TRAF3IP1: variants seen among roughly 807,000 people sequenced by gnomAD.
The protein encoded by TRAF3IP1 is TRAF3-interacting protein 1.
In TRAF3IP1, 53 loss-of-function variants were observed where a neutral mutation model predicts 89.9. The observed-to-expected ratio is 0.59, with a 90% CI of 0.47 to 0.74. The LOEUF (loss-of-function observed/expected upper bound fraction) is 0.74, where lower values mean the gene tolerates loss of function less well. TRAF3IP1 is among the 30% of genes least tolerant of loss of function. The pLI is 0.00. For missense variants in TRAF3IP1, 806 were observed against 866.1 expected, an observed-to-expected ratio of 0.93 and a Z score of 0.87; for synonymous variants, 311 against 322.1, an observed-to-expected ratio of 0.97 and a Z score of 0.37.
chr2:238,342,531 T>C (rs1171663381), intron 8 of TRAF3IP1, among the ~76,000 whole-genome samples: 1 of 152,220 alleles, frequency 6.6e-6, no homozygotes, highest in Non-Finnish European at 1.5e-5. Context: ...AACTACAGAA[T>C]GAAGATAATG....
intron 1 of TRAF3IP1, among the ~76,000 whole-genome samples, chr2:238,322,687 C>CAAAAA (rs71043130): frequency 1.6e-4 from 7 of 43,578 alleles, no homozygotes; most frequent in Non-Finnish European, 1.5e-4. Flanking sequence ...GACCCTGTCT[C>CAAAAA]AAAAAAAAAA....
intron 8 of TRAF3IP1, among the ~76,000 whole-genome samples, chr2:238,339,324 G>A (rs1241150624): frequency 6.6e-6 from 1 of 152,218 alleles, no homozygotes; most frequent in African/African-American, 2.4e-5. Flanking sequence ...GGAGGAAAAG[G>A]TGACTGAGCT....
In TRAF3IP1 at chr2:238,351,821, A is replaced by G. The variant is rs1699166505; in HGVS notation, c.1452-1006A>G. On this transcript the variant is annotated intron_variant, in intron 12 of 16. Transcript: ENST00000373327. This position sits in a 1 kb window ranked among gnomAD's most constrained non-coding sequence, Gnocchi z 5.2. ...TGGACCTTGTGCATGGCACTGAAGCAAGGGAGGATTTTGGTGTGTGTGTGT... is the reference window on the plus strand; with the variant it reads ...TGGACCTTGTGCATGGCACTGAAGCGAGGGAGGATTTTGGTGTGTGTGTGT... Among the ~76,000 whole-genome samples, 1 of 147,592 alleles carries G rather than the reference A, an allele frequency of 6.8e-6. No individual in the cohort carries two copies. The highest frequency in any genetic ancestry group is 1.5e-5 in the Non-Finnish European group (1 of 67,560).
chr2:238,330,211 G>A (rs1237930795), intron 5 of TRAF3IP1, among the ~76,000 whole-genome samples: 1 of 152,128 alleles, frequency 6.6e-6, no homozygotes, highest in East Asian at 1.9e-4. Flanking sequence ...TAAGGATTAG[G>A]GCTGCTTTCA....
chr2:238,387,093 T>C (rs942170621), intron 15 of TRAF3IP1, among the ~76,000 whole-genome samples: 3 of 152,214 alleles, frequency 2.0e-5, no homozygotes, highest in African/African-American at 7.2e-5. Flanking sequence ...TTACACCCAT[T>C]TGCTAGGTTA....
intron 8 of TRAF3IP1, among the ~76,000 whole-genome samples, chr2:238,341,306 G>A (rs909634178): frequency 1.3e-5 from 2 of 151,572 alleles, no homozygotes; most frequent in African/African-American, 2.4e-5. Context: ...ACAGGCATAA[G>A]CCAGCAGACC....
intron 15 of TRAF3IP1, among the ~76,000 whole-genome samples, chr2:238,378,619 G>C (rs892054557): frequency 3.9e-5 from 6 of 152,234 alleles, no homozygotes; most frequent in Admixed American, 1.3e-4. Context: ...GTTTGAGAGA[G>C]AGAGAGAGAG....
chr2:238,324,780 T>C (rs745912808), intron 1 of TRAF3IP1, among the ~76,000 whole-genome samples: 18 of 151,794 alleles, frequency 1.2e-4, no homozygotes, highest in Non-Finnish European at 2.2e-4. Context: ...ATTTTTGTAT[T>C]TTTAGTGGAG....
At chr2:238,390,714 T>C (rs1700959573) in intron 15 of TRAF3IP1, among the ~76,000 whole-genome samples, 1 of 152,204 alleles carries the variant, frequency 6.6e-6, no homozygotes, top group Non-Finnish European at 1.5e-5. Flanking sequence ...GCTTACTTTA[T>C]ATTATCCCAT....
intron 9 of TRAF3IP1, among the ~76,000 whole-genome samples, chr2:238,346,243 G>A (rs1698889172): frequency 6.6e-6 from 1 of 152,114 alleles, no homozygotes; most frequent in Non-Finnish European, 1.5e-5. Flanking sequence ...GGGTTGAGCT[G>A]AGTCCTCTGC....
intron 15 of TRAF3IP1, among the ~76,000 whole-genome samples, chr2:238,356,717 G>A (rs748333488): frequency 1.4e-4 from 21 of 151,828 alleles, no homozygotes; most frequent in Non-Finnish European, 2.5e-4. Flanking sequence ...CCCAGGTCCT[G>A]TTTGCAGACT....
chr2:238,348,595 C>T (rs544075783), intron 10 of TRAF3IP1, among the ~76,000 whole-genome samples, 169 bp from the exon 11 acceptor site: 19 of 152,234 alleles, frequency 1.2e-4, no homozygotes, highest in East Asian at 5.8e-4. Flanking sequence ...TATCAGACAT[C>T]GATTTTCTCT....
At chr2:238,338,513 A>G in intron 8 of TRAF3IP1, 56 bp downstream of exon 8, 1 of 962,192 alleles carries the variant, frequency 1.0e-6, no homozygotes, top group African/African-American at 1.7e-5. Flanking sequence ...GTGAATGGTT[A>G]TATCTCAATG....
chr2:238,350,320 G>A (rs1249238610), intron 12 of TRAF3IP1, among the ~76,000 whole-genome samples: 1 of 152,152 alleles, frequency 6.6e-6, no homozygotes, highest in Non-Finnish European at 1.5e-5. Context: ...GGCGACGTGG[G>A]ACAGGGGTTT....
In TRAF3IP1 at chr2:238,399,680, C is replaced by T. The variant is rs1701386928; in HGVS notation, c.*761C>T. 1 of 152,106 alleles carries T rather than the reference C, an allele frequency of 6.6e-6. No individual in the cohort carries two copies. Among genetic ancestry groups the T allele is most frequent in the Admixed American group, 6.5e-5 (1 of 15,270 alleles). 9.4% of individuals were successfully genotyped at this position (152,106 alleles called of 1,614,324 possible). On this transcript the variant is annotated 3_prime_UTR_variant, in exon 17 of 17. Transcript: ENST00000373327. Reference sequence around the variant, plus strand: ...TTTCCTCAGACAGAGGCTAGCGCAGCCCCCCGGAGTCCTTGTTCTCCTTAA... The same window carrying T: ...TTTCCTCAGACAGAGGCTAGCGCAGTCCCCCGGAGTCCTTGTTCTCCTTAA...
At position 238,325,378 on chromosome 2, in the gene TRAF3IP1, G is replaced by A; in HGVS notation, c.192+4G>A. ...GATGAAGTCTGATAATGTGAAGGTG[G>A]GTTTGAGTCGGGCTTCTCCTATTGA... On this transcript the variant is annotated splice_donor_region_variant and intron_variant, in intron 2 of 16. Transcript: ENST00000373327. 8 of 1,614,106 alleles carry A rather than the reference G, an allele frequency of 5.0e-6. No homozygotes were observed. Among genetic ancestry groups the A allele is most frequent in the Non-Finnish European group, 6.8e-6 (8 of 1,180,034 alleles).
rs1700650267 is a variant in TRAF3IP1 at position 238,383,931 on chromosome 2, T to TGTTTCACATATCTCCCC, written c.1690-13527_1690-13511dup. On this transcript the variant is annotated intron_variant, in intron 15 of 16. Transcript: ENST00000373327. ...GGCTTAAGTCTGTCATCTTGCTCCT[T>TGTTTCACATATCTCCCC]GTTTCACATATCTCCCCTTATGGTT... Among the ~76,000 whole-genome samples the TGTTTCACATATCTCCCC allele has an allele frequency of 2.0e-5, 3 of 152,368 alleles. No homozygotes were observed. The South Asian group carries it at 6.2e-4, about 32-fold the overall frequency.
At chr2:238,356,616 G>A (rs1399062294) in intron 15 of TRAF3IP1, among the ~76,000 whole-genome samples, 1 of 152,092 alleles carries the variant, frequency 6.6e-6, no homozygotes, top group African/African-American at 2.4e-5. Flanking sequence ...AGGGGGCAGC[G>A]GCTTACTTGG....
rs762180112 is a variant in TRAF3IP1, at chr2:238,332,884, G to T, written c.976G>T (p.Ala326Ser). 6.2e-7 allele frequency: 1 copy of T among 1,611,798 alleles called. No homozygotes were observed. ...LSDGTFKDSK[A>S]ETETEISTRA... ...AGATGGAACTTTTAAAGACTCCAAG[G>T]CTGAAACAGAGGTAAACTTTAAAAA... The change falls in exon 6 of 17, where the codon GCT (alanine) becomes TCT (serine). Residue 326 changes from alanine to serine, a missense_variant. By Grantham distance (99) the Ala-to-Ser change is moderately conservative (BLOSUM62 1). This residue lies in a region of TRAF3IP1 where 732 missense variants were observed against 780.5 expected (regional missense o/e 0.94). Coordinates refer to ENST00000373327, the MANE Select transcript of TRAF3IP1 (RefSeq NM_015650.4).
Sources: gnomAD v4.1 joint callset for allele counts (sites outside exome capture counted in the v4.1 genomes callset) on GRCh38, gnomAD v4.1.1 for gene constraint, gnomAD v4.1.1 regional missense constraint, Gnocchi (gnomAD v3.1) non-coding constraint, MANE v1.5 for transcripts, NCBI Gene and HGNC (gene_info 2026-07-23, HGNC 2026-07-21) for gene names.